CSMD1: variants seen among roughly 807,000 people sequenced by gnomAD.
The protein encoded by CSMD1 is CUB and sushi domain-containing protein 1.
Under a neutral mutation model 417.5 loss-of-function variants are expected in CSMD1, and 213 were observed. That is an observed-to-expected ratio of 0.51 (90% confidence interval 0.46 to 0.57). CSMD1 has a LOEUF of 0.57. Among genes scored for constraint, CSMD1 ranks in the 20% least tolerant of loss-of-function variants. The pLI, the probability that CSMD1 is intolerant of heterozygous loss-of-function variation, is 0.00. For missense variants in CSMD1, 6,923 were observed against 4,529.7 expected (o/e 1.53, Z -15.17); for synonymous variants, 2,862 against 1,736.8 (o/e 1.65, Z -16.11).
chr8:3,745,822 G>C (rs1482791969), intron 6 of CSMD1, among the ~76,000 whole-genome samples: 1 of 152,190 alleles, frequency 6.6e-6, no homozygotes, highest in African/African-American at 2.4e-5. Context: ...AAGGTTTCCT[G>C]GTTTCCCTAC....
chr8:4,736,263 AT>A (rs1810227784), intron 1 of CSMD1, among the ~76,000 whole-genome samples: 1 of 152,124 alleles, frequency 6.6e-6, no homozygotes, highest in Non-Finnish European at 1.5e-5. Flanking sequence ...CACACTTTTT[AT>A]TTTCTTCAGG....
chr8:4,162,839 C>G (rs1797248727), intron 3 of CSMD1, among the ~76,000 whole-genome samples: 1 of 152,136 alleles, frequency 6.6e-6, no homozygotes, highest in Non-Finnish European at 1.5e-5. Flanking sequence ...GCTATGTGTT[C>G]ACCATTGCAG....
At chr8:3,169,151 T>C (rs771810810) in intron 37 of CSMD1, among the ~76,000 whole-genome samples, 16 of 152,166 alleles carry the variant, frequency 1.1e-4, no homozygotes. Context: ...GGAAATGACA[T>C]AGCCTCTGCA....
intron 3 of CSMD1, among the ~76,000 whole-genome samples, chr8:4,140,498 A>G (rs879495826): frequency 7.5e-6 from 1 of 132,556 alleles, no homozygotes; most frequent in Non-Finnish European, 1.7e-5. Flanking sequence ...TCTCAAAAAC[A>G]AACAAACAAA....
intron 1 of CSMD1, among the ~76,000 whole-genome samples, chr8:4,828,047 G>A (rs113171693): frequency 2.3e-4 from 35 of 151,928 alleles, no homozygotes; most frequent in African/African-American, 8.5e-4. Context: ...CAAAAGAAGC[G>A]TAGTGGGATT....
intron 3 of CSMD1, among the ~76,000 whole-genome samples, chr8:4,296,079 C>G (rs1156938267): frequency 1.3e-5 from 2 of 152,012 alleles, no homozygotes; most frequent in African/African-American, 2.4e-5. Context: ...ATGATGTGCT[C>G]TCTGTTGTTT....
At chr8:3,660,702 G>A (rs1464354558) in intron 7 of CSMD1, among the ~76,000 whole-genome samples, 1 of 147,956 alleles carries the variant, frequency 6.8e-6, no homozygotes, top group Non-Finnish European at 1.5e-5. Context: ...TATATTTTTA[G>A]TAGAGACAGG....
Position 2,962,622 on chromosome 8 carries a change from G to T in CSMD1, c.9472C>A (p.Pro3158Thr), listed in dbSNP as rs763939958. The change falls in exon 61 of 70, where the codon CCT becomes ACT. Residue 3158 changes from proline to threonine, a missense_variant. Transcript: ENST00000635120. Reference protein sequence around the residue: ...PQCLPVFCGDPGIPAEGRLSG... With the variant: ...PQCLPVFCGDTGIPAEGRLSG... Reference sequence around the variant, plus strand: ...AGTCGCCCTTCTGCGGGGATGCCAGGGTCTCCGCAGAACACAGCTATGGAA... The same window carrying T: ...AGTCGCCCTTCTGCGGGGATGCCAGTGTCTCCGCAGAACACAGCTATGGAA... 2.6e-5 allele frequency: 42 copies of T among 1,613,670 alleles called. No individual in the cohort carries two copies. The highest frequency in any genetic ancestry group is 3.6e-5 in the Non-Finnish European group (42 of 1,179,768).
chr8:3,409,065 T>A (rs560734173), intron 13 of CSMD1, among the ~76,000 whole-genome samples: 12 of 152,236 alleles, frequency 7.9e-5, no homozygotes, highest in Non-Finnish European at 1.2e-4. Flanking sequence ...TGTGTTTAAG[T>A]GTTATACAGC....
intron 3 of CSMD1, among the ~76,000 whole-genome samples, chr8:4,074,319 A>T (rs1263580845): frequency 3.3e-5 from 5 of 152,118 alleles, no homozygotes; most frequent in Non-Finnish European, 4.4e-5. Context: ...AAAACTATAG[A>T]TTAACAGTAT....
chr8:4,644,458 G>C (rs1261432213), intron 1 of CSMD1, among the ~76,000 whole-genome samples: 1 of 152,064 alleles, frequency 6.6e-6, no homozygotes, highest in South Asian at 2.1e-4. Context: ...CCAGGCTAGA[G>C]TGCAGCGGCG....
chr8:4,487,031 A>G (rs113533014), intron 2 of CSMD1, among the ~76,000 whole-genome samples: 2,067 of 152,264 alleles, frequency 0.014, 21 homozygotes, highest in Non-Finnish European at 0.017. Context: ...AGTTCCACTG[A>G]AGAGAATTGT....
chr8:3,432,871 G>T (rs1349387876), intron 12 of CSMD1, among the ~76,000 whole-genome samples: 1 of 152,034 alleles, frequency 6.6e-6, no homozygotes, highest in Non-Finnish European at 1.5e-5. Flanking sequence ...CTTAAATATA[G>T]TCATCAGAGT....
intron 26 of CSMD1, among the ~76,000 whole-genome samples, chr8:3,238,019 C>G (rs1447024433): frequency 6.6e-6 from 1 of 151,388 alleles, no homozygotes; most frequent in Non-Finnish European, 1.5e-5. Flanking sequence ...AAGAGACCAC[C>G]AAACAGGCTT....
chr8:4,916,118 T>G (rs912204045), intron 1 of CSMD1, among the ~76,000 whole-genome samples: 8 of 152,094 alleles, frequency 5.3e-5, no homozygotes, highest in Admixed American at 2.0e-4. Context: ...TCAGCAGGAG[T>G]CTGATGAAGT....
chr8:3,019,218 C>A (rs562547341), intron 51 of CSMD1, among the ~76,000 whole-genome samples: 2 of 152,220 alleles, frequency 1.3e-5, no homozygotes, highest in East Asian at 1.9e-4. Flanking sequence ...GTGCCTCGAC[C>A]CATTAATGTT....
chr8:3,990,774 C>G (rs1001739224), intron 5 of CSMD1, among the ~76,000 whole-genome samples: 3 of 152,112 alleles, frequency 2.0e-5, no homozygotes, highest in African/African-American at 4.8e-5. Context: ...GAGTCCATCC[C>G]TTTCATGAGG....
chr8:4,429,121 T>C (rs1338234095), intron 2 of CSMD1, among the ~76,000 whole-genome samples: 7 of 151,652 alleles, frequency 4.6e-5, no homozygotes, highest in Admixed American at 4.6e-4. Context: ...TAATCAGTTT[T>C]TTTCTATGAA....
chr8:3,445,110 A>G (rs946058147), intron 12 of CSMD1, among the ~76,000 whole-genome samples: 1 of 152,230 alleles, frequency 6.6e-6, no homozygotes. Context: ...AACAGAAAAT[A>G]GGAGCAACAT....
Sources: allele counts gnomAD v4.1 joint callset (sites outside exome capture counted in the v4.1 genomes callset), GRCh38; gene constraint gnomAD v4.1.1; transcripts MANE v1.5; gene names NCBI Gene and HGNC (gene_info 2026-07-23, HGNC 2026-07-21).